Variants in DMXL1 observed in about 807,000 individuals in gnomAD.
DMXL1 encodes Dmx like 1, also known as dmX-like protein 1.
Under a neutral mutation model 319.2 loss-of-function variants are expected in DMXL1, and 99 were observed. The observed-to-expected ratio is 0.31, with a 90% CI of 0.26 to 0.37. DMXL1 has a LOEUF of 0.37. Among genes scored for constraint, DMXL1 ranks in the 10% least tolerant of loss-of-function variants. The pLI is 1.00. For missense variants in DMXL1, 3,745 were observed against 3,595.6 expected, an observed-to-expected ratio of 1.04 and a Z score of -1.06; for synonymous variants, 1,385 against 1,235.2, an observed-to-expected ratio of 1.12 and a Z score of -2.54.
In DMXL1 at chr5:119,247,151, A is replaced by G; in HGVS notation, c.9079A>G (p.Arg3027Gly). The G allele has an allele frequency of 6.2e-7, 1 of 1,614,158 alleles. No homozygotes were observed. The highest frequency in any genetic ancestry group is 8.5e-7 in the Non-Finnish European group (1 of 1,179,996). Residue 3027 changes from arginine (R) to glycine (G), a missense_variant, in exon 44 of 44, where the codon AGA becomes GGA. This residue lies in a region of DMXL1 where 262 missense variants were observed against 320.5 expected (regional missense o/e 0.82). Transcript: ENST00000539542. ...SCGADGTMKM[R>G]ILPDQFSPLN... The stretch of plus-strand genomic sequence containing the variant: ...TGGAGCTGATGGAACAATGAAAATG[A>G]GAATACTGCCAGATCAGTTTAGCCC...
At chr5:119,181,185 C>T (rs1311382700) in intron 28 of DMXL1, among the ~76,000 whole-genome samples, 1 of 152,184 alleles carries the variant, frequency 6.6e-6, no homozygotes, top group Admixed American at 6.5e-5. Context: ...ATAAGTCCGT[C>T]ATAAGCTGTA....
At chr5:119,098,184 A>G (rs551810536) in intron 2 of DMXL1, 80 bp downstream of exon 2, 6 of 1,467,300 alleles carry the variant, frequency 4.1e-6, no homozygotes, top group East Asian at 4.8e-5. Flanking sequence ...TGTATTTCCT[A>G]TTGAATTAGA....
In DMXL1 at chr5:119,148,607, T is replaced by A. The variant is rs537742087; in HGVS notation, c.2912-132T>A. 7.2e-5 allele frequency: 61 copies of A among 852,786 alleles called. No individual in the cohort carries two copies. The South Asian group carries it at 1.0e-3, about 14-fold the overall frequency. 52.8% of individuals were successfully genotyped at this position (852,786 alleles called of 1,614,324 possible). ...TGTCTATTATGCAGTTTAAAAAACA[T>A]ACAGCCAAGATGCCCCTTTGATTTT... On this transcript the variant is annotated intron_variant, in intron 17 of 43. Transcript: ENST00000539542.
Position 119,167,803 on chromosome 5 carries a change from T to A in DMXL1, c.5337T>A (p.Ile1779=), listed in dbSNP as rs781685743. The A allele has an allele frequency of 1.9e-6, 3 of 1,613,614 alleles. No individual in the cohort carries two copies. The South Asian group carries it at 3.3e-5, about 18-fold the overall frequency. ...DPFLRSMAYW[I]LEDYSGALET... ...TTCTTCGGAGCATGGCATATTGGAT[T>A]TTGGAAGATTATAGTGGTGCTCTGG... Residue 1779 remains isoleucine (I), a synonymous_variant, in exon 23 of 44, where the codon ATT becomes ATA. Coordinates refer to ENST00000539542, the MANE Select transcript of DMXL1 (RefSeq NM_001290321.3).
At chr5:119,105,994 A>G (rs1758264366) in intron 4 of DMXL1, among the ~76,000 whole-genome samples, 1 of 152,178 alleles carries the variant, frequency 6.6e-6, no homozygotes, top group Admixed American at 6.5e-5. Flanking sequence ...ATGGCTTAAA[A>G]CATCCATCAT....
At chr5:119,080,605 T>C (rs1040008222) in intron 1 of DMXL1, among the ~76,000 whole-genome samples, 8 of 152,224 alleles carry the variant, frequency 5.3e-5, no homozygotes, top group African/African-American at 1.9e-4. Flanking sequence ...ATATTTCCAC[T>C]TGTCTTTTCA....
At chr5:119,171,347 G>T (rs925531393) in intron 24 of DMXL1, 67 bp downstream of exon 24, 1 of 1,472,318 alleles carries the variant, frequency 6.8e-7, no homozygotes. Flanking sequence ...TTCTTTTTTG[G>T]TTTTGAATAC....
At position 119,233,913 on chromosome 5, in the gene DMXL1, G is replaced by A. The variant is rs554380535; in HGVS notation, c.8466+446G>A. The stretch of plus-strand genomic sequence containing the variant: ...TACAAATATTAAAGTTTTTTAAGAG[G>A]TACTGCTCCAGAACAACATCAGCAA... On this transcript the variant is annotated intron_variant, in intron 39 of 43. Coordinates refer to ENST00000539542, the MANE Select transcript of DMXL1 (RefSeq NM_001290321.3). Among the ~76,000 whole-genome samples, 10 of 152,112 alleles carry A rather than the reference G, an allele frequency of 6.6e-5. No individual in the cohort carries two copies. In the East Asian group the frequency reaches 1.7e-3, roughly 26 times the overall value.
intron 1 of DMXL1, among the ~76,000 whole-genome samples, chr5:119,082,071 A>G (rs1399632992): frequency 2.0e-5 from 3 of 149,646 alleles, no homozygotes; most frequent in Non-Finnish European, 3.0e-5. Context: ...ACGTATATAC[A>G]TGTTCTTAGA....
chr5:119,181,332 T>C lies in DMXL1; in HGVS notation c.7135+3088T>C, dbSNP rs1776736437. Among the ~76,000 whole-genome samples the C allele has an allele frequency of 2.0e-5, 3 of 152,274 alleles. No homozygotes were observed. In the South Asian group the frequency reaches 6.2e-4, roughly 32 times the overall value. ...AGTGGTAGGGCTGGATATAGTCATA[T>C]CCAGGTTATATGGTGCTCATCTGTC... On this transcript the variant is annotated intron_variant, in intron 28 of 43. Transcript: ENST00000539542.
intron 33 of DMXL1, 96 bp downstream of exon 33, chr5:119,203,532 G>T: frequency 1.6e-6 from 1 of 621,130 alleles, no homozygotes. Context: ...CAGATTTTTT[G>T]AAAACACGTA....
intron 31 of DMXL1, among the ~76,000 whole-genome samples, chr5:119,196,785 T>G (rs981231617): frequency 6.6e-6 from 1 of 152,066 alleles, no homozygotes; most frequent in Non-Finnish European, 1.5e-5. Context: ...ATTATTAACT[T>G]CAAAGGAGGA....
At chr5:119,186,518 C>G (rs566251919) in intron 28 of DMXL1, among the ~76,000 whole-genome samples, 1 of 152,274 alleles carries the variant, frequency 6.6e-6, no homozygotes, top group South Asian at 2.1e-4. Flanking sequence ...ACATTTAAAT[C>G]TACATTCAGA....
intron 3 of DMXL1, among the ~76,000 whole-genome samples, chr5:119,103,197 C>G (rs934626317): frequency 1.3e-5 from 2 of 151,520 alleles, no homozygotes; most frequent in East Asian, 3.9e-4. Flanking sequence ...TTAAGAAATT[C>G]TTTGCTTAAC....
Position 119,110,217 on chromosome 5 carries a change from C to A in DMXL1, c.431C>A (p.Thr144Asn), listed in dbSNP as rs759046996. 6.3e-6 allele frequency: 10 copies of A among 1,587,862 alleles called. No homozygotes were observed. Among genetic ancestry groups the A allele is most frequent in the Non-Finnish European group, 6.0e-6 (7 of 1,172,966 alleles). Residue 144 changes from threonine (T) to asparagine (N), a missense_variant, in exon 5 of 44, where the codon ACT becomes AAT. This residue lies in a region of DMXL1 where 2,096 missense variants were observed against 1,985.4 expected (regional missense o/e 1.06). Transcript: ENST00000539542. ...TCCAATACTAACTTGGAGAAGCCAA[C>A]TGAAGATGAAAATTTAAATAAAACA... ...LWSNTNLEKP[T>N]EDENLNKTDL...
At chr5:119,157,395 G>T (rs1391406433) in intron 19 of DMXL1, among the ~76,000 whole-genome samples, 1 of 152,058 alleles carries the variant, frequency 6.6e-6, no homozygotes, top group Non-Finnish European at 1.5e-5. Flanking sequence ...AAAAATCATT[G>T]CCCAGACTGA....
At chr5:119,218,644 A>G (rs1784113741) in intron 35 of DMXL1, among the ~76,000 whole-genome samples, 1 of 151,786 alleles carries the variant, frequency 6.6e-6, no homozygotes, top group Admixed American at 6.6e-5. Flanking sequence ...TTTAGTAGAG[A>G]CGGCGTTTCA....
intron 21 of DMXL1, among the ~76,000 whole-genome samples, chr5:119,165,618 A>C (rs1380351515): frequency 6.6e-6 from 1 of 152,216 alleles, no homozygotes; most frequent in Non-Finnish European, 1.5e-5. Flanking sequence ...GGCAATTTAC[A>C]AAAGAAAGAG....
At chr5:119,243,806 C>A (rs1216225553) in intron 42 of DMXL1, among the ~76,000 whole-genome samples, 1 of 152,048 alleles carries the variant, frequency 6.6e-6, no homozygotes, top group Non-Finnish European at 1.5e-5. Context: ...ATGGATTTTT[C>A]TTCTCCTTAT....
Sources: gnomAD v4.1 joint callset for allele counts (sites outside exome capture counted in the v4.1 genomes callset) on GRCh38, gnomAD v4.1.1 for gene constraint, gnomAD v4.1.1 regional missense constraint, MANE v1.5 for transcripts, NCBI Gene and HGNC (gene_info 2026-07-23, HGNC 2026-07-21) for gene names.